The following IFT122 variants were observed in gnomAD, a reference collection of about 807,000 sequenced individuals.
IFT122 encodes intraflagellar transport 122, also known as intraflagellar transport protein 122 homolog.
Under a neutral mutation model 161.6 loss-of-function variants are expected in IFT122, and 118 were observed. The ratio of observed to expected loss-of-function variants is 0.73; its 90% confidence interval spans 0.63 to 0.85. The LOEUF (loss-of-function observed/expected upper bound fraction) is 0.85, where lower values mean the gene tolerates loss of function less well. Ranked by LOEUF, IFT122 falls within the 40% of genes least tolerant of loss-of-function variation. The pLI, the probability that IFT122 is intolerant of heterozygous loss-of-function variation, is 0.00. For missense variants in IFT122, 1,381 were observed against 1,579.6 expected (o/e 0.87, Z 2.13); for synonymous variants, 550 against 602.4 (o/e 0.91, Z 1.27).
At chr3:129,478,431 T>A (rs953083131) in intron 12 of IFT122, among the ~76,000 whole-genome samples, 7 of 148,952 alleles carry the variant, frequency 4.7e-5, no homozygotes, top group Admixed American at 6.6e-5. Context: ...GAATGTTTTT[T>A]TGTTTTATTT....
intron 26 of IFT122, among the ~76,000 whole-genome samples, chr3:129,516,021 G>T (rs867822940): frequency 6.7e-5 from 10 of 149,412 alleles, no homozygotes; most frequent in South Asian, 4.3e-4. Context: ...GACTGCCCCT[G>T]CACACACACA....
At chr3:129,458,185 T>C (rs777881964) in intron 3 of IFT122, among the ~76,000 whole-genome samples, 3 of 152,216 alleles carry the variant, frequency 2.0e-5, no homozygotes, top group Non-Finnish European at 4.4e-5. Context: ...TTGTCAAAAA[T>C]AAAAATTTAA....
At chr3:129,461,513 G>C in intron 5 of IFT122, 1 of 602,870 alleles carries the variant, frequency 1.7e-6, no homozygotes, top group East Asian at 3.0e-5. Context: ...TAAGACATCA[G>C]AGACTACAGG....
rs140623797 is a variant in IFT122 at position 129,494,383 on chromosome 3, A to G, written c.2047-1063A>G. Among the ~76,000 whole-genome samples, 784 of 152,106 alleles carry G rather than the reference A, an allele frequency of 5.2e-3. 6 individuals carry two copies. The highest frequency in any genetic ancestry group is 8.2e-3 in the Non-Finnish European group (558 of 68,006). On this transcript the variant is annotated intron_variant, in intron 17 of 29. Coordinates refer to ENST00000348417, the MANE Select transcript of IFT122 (RefSeq NM_052989.3). The stretch of plus-strand genomic sequence containing the variant: ...TTATCTCACGGCAAGATTTCAATTC[A>G]TTTCCAACTATTAGGAGTTAGTTTG...
intron 9 of IFT122, chr3:129,476,110 G>A: frequency 8.1e-6 from 5 of 619,518 alleles, no homozygotes; most frequent in Non-Finnish European, 1.4e-5. Flanking sequence ...AGGAGCTGAG[G>A]TTTGGGCTGT....
intron 1 of IFT122, among the ~76,000 whole-genome samples, chr3:129,447,499 A>G (rs1393200038): frequency 6.6e-6 from 1 of 152,162 alleles, no homozygotes; most frequent in Non-Finnish European, 1.5e-5. Flanking sequence ...GGCTTCAGAA[A>G]GAATAGGTTG....
intron 4 of IFT122, among the ~76,000 whole-genome samples, chr3:129,459,691 TCCTTC>T (rs2075993493): frequency 1.9e-5 from 1 of 51,302 alleles, no homozygotes; most frequent in African/African-American, 3.0e-4. Context: ...CCTTCTTCCT[TCCTTC>T]CTTCCTTCCT....
intron 23 of IFT122, among the ~76,000 whole-genome samples, chr3:129,508,226 C>A (rs1410841531): frequency 6.6e-6 from 1 of 152,242 alleles, no homozygotes; most frequent in African/African-American, 2.4e-5. Context: ...GGCTTGGTCT[C>A]CAGAAACCCA....
At chr3:129,504,238 TA>T in intron 20 of IFT122, 80 bp from the exon 21 acceptor site, 1 of 1,187,038 alleles carries the variant, frequency 8.4e-7, no homozygotes, top group Non-Finnish European at 1.3e-6. Context: ...ATGATGTCCC[TA>T]ATGGATTCAG....
chr3:129,492,075 C>A, intron 16 of IFT122, 66 bp from the exon 17 acceptor site: 2 of 1,239,326 alleles, frequency 1.6e-6, no homozygotes, highest in Non-Finnish European at 2.4e-6. Context: ...CTTCCCACCC[C>A]TAGCCAATCA....
chr3:129,511,538 T>C lies in IFT122; in HGVS notation c.2887-774T>C, dbSNP rs568254468. On this transcript the variant is annotated intron_variant, in intron 23 of 29. Coordinates refer to ENST00000348417, the MANE Select transcript of IFT122 (RefSeq NM_052989.3). ...TCACCATCTAAAGCTTTATTAGAAA[T>C]GGGCAATCTCAGTTTATATACAGTG... Among the ~76,000 whole-genome samples, 66 of 152,300 alleles carry C rather than the reference T, an allele frequency of 4.3e-4. 1 individual carries two copies. The highest frequency in any genetic ancestry group is 6.8e-3 in the Middle Eastern group (2 of 294).
At position 129,488,724 on chromosome 3, in the gene IFT122, A is replaced by T. The variant is rs577753735; in HGVS notation, c.1992+327A>T. Among the ~76,000 whole-genome samples, 18 of 152,158 alleles carry T rather than the reference A, an allele frequency of 1.2e-4. No homozygotes were observed. In the South Asian group the frequency reaches 1.7e-3, roughly 14 times the overall value. ...CTCTTATTAGCTGTTCTCTGTGGGAAGCACCTGACTAGTAGCCTGGCACAT... is the reference window on the plus strand; with the variant it reads ...CTCTTATTAGCTGTTCTCTGTGGGATGCACCTGACTAGTAGCCTGGCACAT... On this transcript the variant is annotated intron_variant, in intron 16 of 29. Coordinates refer to ENST00000348417, the MANE Select transcript of IFT122 (RefSeq NM_052989.3).
chr3:129,518,684 A>C lies in IFT122; in HGVS notation c.3392-423A>C, dbSNP rs770693352. Among the ~76,000 whole-genome samples, 10 of 152,226 alleles carry C rather than the reference A, an allele frequency of 6.6e-5. No individual in the cohort carries two copies. In the East Asian group the frequency reaches 9.7e-4, roughly 15 times the overall value. ...CTGTTACCAGCCCCACCACTGTGGG[A>C]GAGGGGCGGTTTCCAGGGACCTCCA... On this transcript the variant is annotated intron_variant, in intron 27 of 29. Transcript: ENST00000348417.
rs752384839 is a variant in IFT122, at chr3:129,507,755, G to A, written c.2879G>A (p.Arg960His). ...ELYHGYHAIHRHTEDPFSVHR... is the reference protein window; with the variant it reads ...ELYHGYHAIHHHTEDPFSVHR... Reference sequence around the variant, plus strand: ...TACCATGGTTACCATGCCATCCATCGCCACACGGTAAGGTGGCTGGGTCAC... The same window carrying A: ...TACCATGGTTACCATGCCATCCATCACCACACGGTAAGGTGGCTGGGTCAC... The change falls in exon 23 of 30, where the codon CGC becomes CAC. Residue 960 changes from arginine (R) to histidine (H), a missense_variant. Physicochemically the swap from Arg to His is conservative, Grantham distance 29 (BLOSUM62 0). Around this residue, in one of 7 missense-constraint regions of IFT122, gnomAD observed 496 missense variants for 502.5 expected, o/e 0.99. Transcript: ENST00000348417. 2 of 1,613,524 alleles carry A rather than the reference G, an allele frequency of 1.2e-6. No homozygotes were observed. The highest frequency in any genetic ancestry group is 1.7e-6 in the Non-Finnish European group (2 of 1,179,596).
rs267607191 is a variant in IFT122, at chr3:129,481,546, T to G, written c.1505T>G (p.Val502Gly). Residue 502 changes from valine to glycine, a missense_variant, in exon 14 of 30, where the codon GTG becomes GGG. Physicochemically the swap from Val to Gly is moderately radical, Grantham distance 109. Transcript: ENST00000348417. Reference sequence around the variant, plus strand: ...TTTTGCCAGATCCTGAAGATCTTCGTGGACAATCTCTTTGCTATCGTCCTG... The same window carrying G: ...TTTTGCCAGATCCTGAAGATCTTCGGGGACAATCTCTTTGCTATCGTCCTG... ...LKNGQILKIF[V>G]DNLFAIVLLK... 3.8e-6 allele frequency: 6 copies of G among 1,580,976 alleles called. No homozygotes were observed. Among genetic ancestry groups the G allele is most frequent in the Non-Finnish European group, 5.2e-6 (6 of 1,150,446 alleles).
chr3:129,488,530 T>A (rs1232000781), intron 16 of IFT122, 133 bp downstream of exon 16: 41 of 1,103,702 alleles, frequency 3.7e-5, no homozygotes, highest in Non-Finnish European at 5.3e-5. Context: ...TGGGCTTGTA[T>A]CTTAGCCACT....
chr3:129,513,508 C>G (rs2083082917), intron 24 of IFT122: 1 of 152,558 alleles, frequency 6.6e-6, no homozygotes, highest in South Asian at 2.1e-4. Flanking sequence ...CTCCGTCTTT[C>G]CCCGTAGGAG....
At chr3:129,478,316 G>C (rs1459133920) in intron 12 of IFT122, 98 bp downstream of exon 12, 8 of 981,856 alleles carry the variant, frequency 8.1e-6, no homozygotes, top group Middle Eastern at 2.2e-4. Context: ...CTGGTCACTA[G>C]AAAACAAGTC....
rs115832705 is a variant in IFT122, at chr3:129,493,582, C to T, written c.2046+1388C>T. On this transcript the variant is annotated intron_variant, in intron 17 of 29. Coordinates refer to ENST00000348417, the MANE Select transcript of IFT122 (RefSeq NM_052989.3). ...CCAAAAACTTGGTGGAATTCAAGCC[C>T]AGTCTATTTCCTAAGCTCATGCTCT... 2.0e-3 allele frequency among the ~76,000 whole-genome samples: 299 copies of T among 152,346 alleles called. 1 individual carries two copies. The highest frequency in any genetic ancestry group is 6.3e-3 in the African/African-American group (261 of 41,574).
Sources: gnomAD v4.1 joint callset for allele counts (sites outside exome capture counted in the v4.1 genomes callset) on GRCh38, gnomAD v4.1.1 for gene constraint, gnomAD v4.1.1 regional missense constraint, MANE v1.5 for transcripts, NCBI Gene and HGNC (gene_info 2026-07-23, HGNC 2026-07-21) for gene names.